TRMT9B: variants seen among roughly 807,000 people sequenced by gnomAD.
TRMT9B encodes the protein probable tRNA methyltransferase 9B.
Under a neutral mutation model 11.5 loss-of-function variants are expected in TRMT9B, and 16 were observed. The ratio of observed to expected loss-of-function variants is 1.39; its 90% CI spans 0.94 to 2.11. The LOEUF (loss-of-function observed/expected upper bound fraction) is 2.11. Among genes scored for constraint, TRMT9B ranks in the 30% most tolerant of loss-of-function variants. The pLI is 0.00. For synonymous variants in TRMT9B, 274 were observed against 192.4 expected, an observed-to-expected ratio of 1.42 and a Z score of -3.51; for missense variants, 941 against 553.8, an observed-to-expected ratio of 1.70 and a Z score of -7.02.
chr8:12,955,051 G>A (rs1563305010), intron 1 of TRMT9B, among the ~76,000 whole-genome samples: 1 of 152,200 alleles, frequency 6.6e-6, no homozygotes, highest in Non-Finnish European at 1.5e-5. Context: ...GTAGGAGTGT[G>A]TTGACTAAAT....
Position 13,019,759 on chromosome 8 carries a change from G to A in TRMT9B, c.329-1249G>A, listed in dbSNP as rs570451795. Among the ~76,000 whole-genome samples, 6 of 152,280 alleles carry A rather than the reference G, an allele frequency of 3.9e-5. No individual in the cohort carries two copies. The South Asian group carries it at 8.3e-4, about 21-fold the overall frequency. Reference sequence around the variant, plus strand: ...GCCATATTAAAGGACTCTTCTTTTCGGGAGTGGGTGGCAGCAGTCTGAGGC... The same window carrying A: ...GCCATATTAAAGGACTCTTCTTTTCAGGAGTGGGTGGCAGCAGTCTGAGGC... On this transcript the variant is annotated intron_variant, in intron 4 of 4. Coordinates refer to ENST00000524591, the MANE Select transcript of TRMT9B (RefSeq NM_020844.3).
intron 4 of TRMT9B, among the ~76,000 whole-genome samples, chr8:13,018,396 C>CAAAA (rs33990997): frequency 1.7e-3 from 231 of 133,880 alleles, no homozygotes; most frequent in African/African-American, 6.3e-3. Context: ...GACCCTGTCT[C>CAAAA]AAAAAAAAAA....
rs1814886464 is a variant in TRMT9B at position 13,027,915 on chromosome 8, A to T, written c.*5871A>T. The T allele has an allele frequency of 1.2e-5, 2 of 167,118 alleles. No individual in the cohort carries two copies. The allele number at this position is 167,118 out of a possible 1,614,324, so 10.4% of individuals were successfully genotyped here. A position where few individuals can be genotyped will look rare whatever the true frequency, so the allele number is the denominator to read the frequency against. On this transcript the variant is annotated 3_prime_UTR_variant, in exon 5 of 5. Transcript: ENST00000524591. ...ATTATTTAATGATTGTTTTGATAGT[A>T]TAAACTCCATATCTGCAACCTCAGT...
chr8:13,016,226 A>G, intron 4 of TRMT9B, among the ~76,000 whole-genome samples: 1 of 115,664 alleles, frequency 8.6e-6, no homozygotes, highest in Non-Finnish European at 1.8e-5. Flanking sequence ...TATAAATGTG[A>G]AATATATATT....
chr8:12,990,750 G>C, intron 1 of TRMT9B, 84 bp from the exon 2 acceptor site: 1 of 833,548 alleles, frequency 1.2e-6, no homozygotes. Flanking sequence ...TTTATGCATA[G>C]GTCAGGAAGT....
intron 1 of TRMT9B, among the ~76,000 whole-genome samples, chr8:12,978,020 C>T (rs1804731756): frequency 6.6e-6 from 1 of 152,056 alleles, no homozygotes; most frequent in Non-Finnish European, 1.5e-5. Context: ...CAGAGCGAGA[C>T]CCTGTCTCCA....
chr8:12,982,491 G>C (rs965628890), intron 1 of TRMT9B, among the ~76,000 whole-genome samples: 1 of 152,016 alleles, frequency 6.6e-6, no homozygotes, highest in Non-Finnish European at 1.5e-5. Context: ...GTGAAACCCC[G>C]TCTCTACTAA....
chr8:12,950,238 C>A (rs536878918), intron 1 of TRMT9B, among the ~76,000 whole-genome samples: 5 of 152,302 alleles, frequency 3.3e-5, no homozygotes, highest in Admixed American at 2.6e-4. Context: ...TAACTGATTT[C>A]CCTTATGTTT....
rs956787783 is a variant in TRMT9B, at chr8:12,985,855, A to AT, written c.-199-4970dup. Among the ~76,000 whole-genome samples, 24 of 151,158 alleles carry AT rather than the reference A, an allele frequency of 1.6e-4. No homozygotes were observed. In the East Asian group the frequency reaches 1.9e-3, roughly 12 times the overall value. Reference sequence around the variant, plus strand: ...TAATGGGCTATGTACTAGATTAATGATTTTTTTTTAATTTAATTTTTTTGA... The same window carrying AT: ...TAATGGGCTATGTACTAGATTAATGATTTTTTTTTTAATTTAATTTTTTTGA... On this transcript the variant is annotated intron_variant, in intron 1 of 4. Coordinates refer to ENST00000524591, the MANE Select transcript of TRMT9B (RefSeq NM_020844.3).
intron 2 of TRMT9B, among the ~76,000 whole-genome samples, chr8:12,996,486 A>G (rs901046787): frequency 1.3e-5 from 2 of 152,202 alleles, no homozygotes; most frequent in African/African-American, 4.8e-5. Flanking sequence ...ATACTATGAC[A>G]TAATCTTATT....
intron 1 of TRMT9B, among the ~76,000 whole-genome samples, chr8:12,972,848 C>G (rs1350663246): frequency 6.6e-6 from 1 of 152,118 alleles, no homozygotes; most frequent in Non-Finnish European, 1.5e-5. Context: ...ATAAAAACGA[C>G]CATTTAACCA....
At chr8:13,017,477 A>C (rs963056245) in intron 4 of TRMT9B, among the ~76,000 whole-genome samples, 1 of 152,230 alleles carries the variant, frequency 6.6e-6, no homozygotes, top group East Asian at 1.9e-4. Flanking sequence ...AATTCAACAT[A>C]GTTTCCAGAC....
At chr8:12,962,215 C>T (rs890504564) in intron 1 of TRMT9B, 1 of 152,294 alleles carries the variant, frequency 6.6e-6, no homozygotes, top group African/African-American at 2.4e-5. Flanking sequence ...ACCATCATAA[C>T]TATGGAAAAA....
chr8:13,021,621 ATCT>A lies in TRMT9B; in HGVS notation c.949_951del (p.Ser317del), dbSNP rs1345611155. ...GTTTAGATGAGGAAGTGTTTGTGGA[ATCT>A]TCTTCTGGAAAACACTTGGAGTGGC... On this transcript the variant is annotated inframe_deletion, in exon 5 of 5. Coordinates refer to ENST00000524591, the MANE Select transcript of TRMT9B (RefSeq NM_020844.3). 2 of 1,613,772 alleles carry A rather than the reference ATCT, an allele frequency of 1.2e-6. No individual in the cohort carries two copies. The highest frequency in any genetic ancestry group is 2.2e-5 in the East Asian group (1 of 44,880).
chr8:12,987,038 A>G (rs139764598), intron 1 of TRMT9B, among the ~76,000 whole-genome samples: 285 of 152,246 alleles, frequency 1.9e-3, no homozygotes, highest in Middle Eastern at 6.8e-3. Context: ...GTCCTATATG[A>G]TCTGACTCCT....
chr8:13,010,133 A>C, intron 3 of TRMT9B: 1 of 444,064 alleles, frequency 2.3e-6, no homozygotes, highest in Non-Finnish European at 3.0e-6. Context: ...GTGAGACCCT[A>C]TCTGAAAAAA....
chr8:12,967,894 T>C (rs940638250), intron 1 of TRMT9B, among the ~76,000 whole-genome samples: 1 of 152,212 alleles, frequency 6.6e-6, no homozygotes, highest in Non-Finnish European at 1.5e-5. Flanking sequence ...TCTTCTAATT[T>C]GTTTACTTAT....
intron 1 of TRMT9B, among the ~76,000 whole-genome samples, chr8:12,961,269 T>G (rs888945643): frequency 2.6e-5 from 4 of 152,220 alleles, no homozygotes; most frequent in African/African-American, 9.6e-5. Context: ...CTACGAATGT[T>G]AGTTAATAAT....
At chr8:12,968,870 G>T (rs993442611) in intron 1 of TRMT9B, among the ~76,000 whole-genome samples, 1 of 152,196 alleles carries the variant, frequency 6.6e-6, no homozygotes, top group Non-Finnish European at 1.5e-5. Flanking sequence ...AGATTTGCAG[G>T]ACTTCGGCAG....
Sources: allele counts gnomAD v4.1 joint callset (sites outside exome capture counted in the v4.1 genomes callset), GRCh38; gene constraint gnomAD v4.1.1; transcripts MANE v1.5; gene names NCBI Gene and HGNC (gene_info 2026-07-23, HGNC 2026-07-21).